RGMA: variants seen among roughly 807,000 people sequenced by gnomAD.
The protein encoded by RGMA is repulsive guidance molecule BMP co-receptor a.
In RGMA, 10 loss-of-function variants were observed where a neutral mutation model predicts 23.2. The ratio of observed to expected loss-of-function variants is 0.43; its 90% CI spans 0.27 to 0.73. RGMA has a LOEUF of 0.73. Ranked by LOEUF, RGMA falls within the 30% of genes least tolerant of loss-of-function variation. The pLI is 0.20. For missense variants in RGMA, 547 were observed against 630.5 expected (o/e 0.87, Z 1.42); for synonymous variants, 308 against 279.3 (o/e 1.10, Z -1.03).
rs755179669 is a variant in RGMA at position 93,052,265 on chromosome 15, G to A, written c.373C>T (p.Arg125Cys). Reference protein sequence around the residue: ...CSKDGPTSQPRLRTLPPAGDS... With the variant: ...CSKDGPTSQPCLRTLPPAGDS... ...CCGGCCGGTGGGAGCGTGCGCAGGC[G>A]TGGCTGCGAGGTGGGGCCATCCTTG... is the stretch of plus-strand genomic sequence containing the variant. The change falls in exon 3 of 4, where the codon CGC (arginine) becomes TGC (cysteine). Residue 125 changes from arginine to cysteine, a missense_variant. Around this residue, in one of 3 missense-constraint regions of RGMA, gnomAD observed 214 missense variants for 234.7 expected, o/e 0.91. Coordinates refer to ENST00000329082, the MANE Select transcript of RGMA (RefSeq NM_020211.3). The A allele has an allele frequency of 4.4e-6, 7 of 1,603,592 alleles. No homozygotes were observed. The highest frequency in any genetic ancestry group is 1.3e-5 in the African/African-American group (1 of 74,756).
chr15:93,042,600 A>C lies in RGMA; in HGVS notation c.*2398T>G, dbSNP rs2054738648. On this transcript the variant is annotated 3_prime_UTR_variant, in exon 4 of 4. Transcript: ENST00000329082. ...TTCTGCCTCATGGCATTTAGTTTGA[A>C]GAGAAGGGGCTTCAGGACAATACTA... 6.6e-6 allele frequency: 1 copy of C among 152,338 alleles called. No individual in the cohort carries two copies. The highest frequency in any genetic ancestry group is 2.4e-5 in the African/African-American group (1 of 41,466). The allele number at this position is 152,338 out of a possible 1,614,324, so 9.4% of individuals were successfully genotyped here. A position where few individuals can be genotyped will look rare whatever the true frequency, so the allele number is the denominator to read the frequency against.
Position 93,045,029 on chromosome 15 carries a change from G to C in RGMA, c.1322C>G (p.Pro441Arg). 6.2e-7 allele frequency: 1 copy of C among 1,600,292 alleles called. No individual in the cohort carries two copies. Among genetic ancestry groups the C allele is most frequent in the Non-Finnish European group, 8.5e-7 (1 of 1,173,886 alleles). Residue 441 changes from proline (P) to arginine (R), a missense_variant, in exon 4 of 4, where the codon CCG (proline) becomes CGG (arginine). Physicochemically the swap from Pro to Arg is moderately radical, Grantham distance 103 (BLOSUM62 -2). This residue lies in a region of RGMA where 205 missense variants were observed against 204.1 expected (regional missense o/e 1.00). Transcript: ENST00000329082. This position sits in a 1 kb window ranked among gnomAD's most constrained non-coding sequence, Gnocchi z 6.9. ...APRPLLGALV[P>R]LLALLPVFC ...GAACACAGGGAGCAGGGCCAGGAGC[G>C]GGACGAGGGCGCCCAGGAGGGGCCG...
chr15:93,057,797 G>A (rs1279019927), intron 2 of RGMA, among the ~76,000 whole-genome samples: 3 of 152,134 alleles, frequency 2.0e-5, no homozygotes, highest in Non-Finnish European at 4.4e-5. Context: ...ACGTGTTTTC[G>A]CCCAGGGATT....
chr15:93,070,794 T>C (rs1470095358), intron 2 of RGMA, among the ~76,000 whole-genome samples: 1 of 152,250 alleles, frequency 6.6e-6, no homozygotes, highest in African/African-American at 2.4e-5. Context: ...GGCCAGGTTT[T>C]AGTTACCGGC....
chr15:93,055,071 G>A (rs772309555), intron 2 of RGMA, among the ~76,000 whole-genome samples: 3 of 152,082 alleles, frequency 2.0e-5, no homozygotes, highest in Admixed American at 1.3e-4. Flanking sequence ...TGCCTGTCCC[G>A]GCAGCCTCAC....
intron 2 of RGMA, among the ~76,000 whole-genome samples, chr15:93,054,945 G>A (rs1266175573): frequency 6.6e-6 from 1 of 152,200 alleles, no homozygotes; most frequent in Non-Finnish European, 1.5e-5. Flanking sequence ...CCCTGATAAA[G>A]CCGGTACAGG....
At chr15:93,077,632 A>C (rs1214787046) in intron 1 of RGMA, among the ~76,000 whole-genome samples, 1 of 152,244 alleles carries the variant, frequency 6.6e-6, no homozygotes, top group Non-Finnish European at 1.5e-5. Context: ...ACTCCAACAT[A>C]GGATCGGTTT....
chr15:93,061,927 T>C (rs867839037), intron 2 of RGMA, among the ~76,000 whole-genome samples: 1 of 149,182 alleles, frequency 6.7e-6, no homozygotes, highest in Admixed American at 6.7e-5. Flanking sequence ...GAGAAAGGAG[T>C]CCTAGGAATG....
Position 93,052,471 on chromosome 15 carries a change from T to C in RGMA, c.167A>G (p.Glu56Gly). 3 of 1,586,156 alleles carry C rather than the reference T, an allele frequency of 1.9e-6. No individual in the cohort carries two copies. The highest frequency in any genetic ancestry group is 2.6e-6 in the Non-Finnish European group (3 of 1,170,290). The change falls in exon 3 of 4, where the codon GAG (glutamate) becomes GGG (glycine). Residue 56 changes from glutamate (E) to glycine (G), a missense_variant. Transcript: ENST00000329082. ...GCTGCCCGACGTGGCGCTCCAGAAC[T>C]CAGAGTTGCACTTGAGGATCTTGCA... ...SPCKILKCNS[E>G]FWSATSGSHA...
At chr15:93,066,114 A>AT (rs1407833899) in intron 2 of RGMA, 1 of 1,402,784 alleles carries the variant, frequency 7.1e-7, no homozygotes, top group Admixed American at 1.7e-5. Flanking sequence ...GGTTGGGGGC[A>AT]TAACAGCTGC....
intron 2 of RGMA, among the ~76,000 whole-genome samples, chr15:93,057,765 A>G (rs1319928961): frequency 6.6e-6 from 1 of 151,910 alleles, no homozygotes; most frequent in Non-Finnish European, 1.5e-5. Flanking sequence ...CACCTACCCC[A>G]TTTTCCCATT....
chr15:93,053,275 T>G (rs941784588), intron 2 of RGMA, among the ~76,000 whole-genome samples: 13 of 152,364 alleles, frequency 8.5e-5, no homozygotes, highest in African/African-American at 3.1e-4. Context: ...ACTATGGCTT[T>G]AACACACCTT....
At chr15:93,054,121 T>G (rs1238190125) in intron 2 of RGMA, among the ~76,000 whole-genome samples, 1 of 150,646 alleles carries the variant, frequency 6.6e-6, no homozygotes, top group East Asian at 2.0e-4. Flanking sequence ...TCCCAGCTAC[T>G]CGGGAGGCTG....
intron 2 of RGMA, among the ~76,000 whole-genome samples, chr15:93,056,625 G>A (rs1419327419): frequency 6.6e-6 from 1 of 152,178 alleles, no homozygotes; most frequent in Non-Finnish European, 1.5e-5. Flanking sequence ...CAGGACCCTG[G>A]TGGTGAGGTG....
Position 93,072,983 on chromosome 15 carries a change from T to C in RGMA, c.63A>G (p.Arg21=), listed in dbSNP as rs1895383261. The change falls in exon 2 of 4, where the codon AGA becomes AGG. Residue 21 remains arginine (R), a synonymous_variant. Coordinates refer to ENST00000329082, the MANE Select transcript of RGMA (RefSeq NM_020211.3). ...TGRAGWMGMG[R]GAGRSALGFW... ...ATCCCAGGGCTGAACGTCCTGCCCC[T>C]CTCCCCATACCCATCCATCCAGCTC... 1 of 1,610,582 alleles carries C rather than the reference T, an allele frequency of 6.2e-7. No individual in the cohort carries two copies.
At chr15:93,047,244 C>T (rs1396415405) in intron 3 of RGMA, among the ~76,000 whole-genome samples, 1 of 152,164 alleles carries the variant, frequency 6.6e-6, no homozygotes, top group Non-Finnish European at 1.5e-5. Flanking sequence ...GCTGTTCTTT[C>T]CTCCCTAACC....
chr15:93,054,949 G>A (rs887792749), intron 2 of RGMA, among the ~76,000 whole-genome samples: 1 of 152,230 alleles, frequency 6.6e-6, no homozygotes, highest in African/African-American at 2.4e-5. Flanking sequence ...GATAAAGCCG[G>A]TACAGGAGGT....
intron 2 of RGMA, among the ~76,000 whole-genome samples, chr15:93,072,216 C>G (rs79985695): frequency 2.6e-5 from 4 of 152,028 alleles, no homozygotes; most frequent in Admixed American, 6.5e-5. Flanking sequence ...GGTCCGGGCT[C>G]GGAGGAATTT....
chr15:93,075,741 G>C (rs961776280), intron 1 of RGMA, among the ~76,000 whole-genome samples: 7 of 152,184 alleles, frequency 4.6e-5, no homozygotes, highest in Admixed American at 3.3e-4. Flanking sequence ...GCCGGGAGAC[G>C]GGTACTGGCT....
Sources: allele counts gnomAD v4.1 joint callset (sites outside exome capture counted in the v4.1 genomes callset), GRCh38; gene constraint gnomAD v4.1.1; regional missense constraint gnomAD v4.1.1; non-coding constraint Gnocchi (gnomAD v3.1); transcripts MANE v1.5; gene names NCBI Gene and HGNC (gene_info 2026-07-23, HGNC 2026-07-21).